Variants in TRABD2B observed in about 807,000 individuals in gnomAD.
TRABD2B encodes TraB domain containing 2B, also known as metalloprotease TIKI2.
Under a neutral mutation model 40.1 loss-of-function variants are expected in TRABD2B, and 14 were observed. That is an observed-to-expected ratio of 0.35 (90% CI 0.23 to 0.55). The LOEUF (loss-of-function observed/expected upper bound fraction) is 0.55, where lower values mean the gene tolerates loss of function less well. Ranked by LOEUF, TRABD2B falls within the 20% of genes least tolerant of loss-of-function variation. The pLI is 0.90. For missense variants in TRABD2B, 541 were observed against 648.6 expected (o/e 0.83, Z 1.80); for synonymous variants, 263 against 277.0 (o/e 0.95, Z 0.50).
chr1:47,780,267 T>C (rs999170049), intron 4 of TRABD2B, among the ~76,000 whole-genome samples: 4 of 152,220 alleles, frequency 2.6e-5, no homozygotes, highest in Non-Finnish European at 5.9e-5. Context: ...CAGGCAAGCA[T>C]ATTACCCTCT....
At position 47,764,883 on chromosome 1, in the gene TRABD2B, T is replaced by A. The variant is rs1644283298; in HGVS notation, c.*1019A>T. On this transcript the variant is annotated 3_prime_UTR_variant, in exon 7 of 7. Transcript: ENST00000606738. Reference sequence around the variant, plus strand: ...CATCTGTGAAATGGGGATAGTCACATCTCACAGAACTAGCGCAAGAATCAG... The same window carrying A: ...CATCTGTGAAATGGGGATAGTCACAACTCACAGAACTAGCGCAAGAATCAG... The A allele has an allele frequency of 6.6e-6, 1 of 152,128 alleles. No homozygotes were observed. Among genetic ancestry groups the A allele is most frequent in the African/African-American group, 2.4e-5 (1 of 41,412 alleles). 9.4% of individuals were successfully genotyped at this position (152,128 alleles called of 1,614,324 possible).
chr1:47,989,247 C>T (rs892083587), intron 2 of TRABD2B, among the ~76,000 whole-genome samples: 5 of 152,168 alleles, frequency 3.3e-5, no homozygotes, highest in Non-Finnish European at 7.3e-5. Flanking sequence ...ATAATTTTGA[C>T]ATTTTTTGTC....
chr1:47,877,367 C>A (rs999111603), intron 2 of TRABD2B, among the ~76,000 whole-genome samples: 2 of 152,076 alleles, frequency 1.3e-5, no homozygotes, highest in Non-Finnish European at 2.9e-5. Context: ...GTGATCTACT[C>A]TAAGTGCATA....
chr1:47,892,202 C>A (rs1244006697), intron 2 of TRABD2B, among the ~76,000 whole-genome samples: 1 of 152,186 alleles, frequency 6.6e-6, no homozygotes, highest in African/African-American at 2.4e-5. Context: ...ATCCTGCTGT[C>A]TGTAGGATGT....
chr1:47,983,570 C>G (rs888212355), intron 2 of TRABD2B, among the ~76,000 whole-genome samples: 5 of 152,094 alleles, frequency 3.3e-5, no homozygotes, highest in Admixed American at 2.0e-4. Context: ...GTTTACCCAT[C>G]CTGTGACCAA....
chr1:47,837,623 A>T (rs1168467894), intron 2 of TRABD2B, among the ~76,000 whole-genome samples: 1 of 152,142 alleles, frequency 6.6e-6, no homozygotes, highest in Non-Finnish European at 1.5e-5. Context: ...AGGCCTCTGC[A>T]GGGCGGAGAG....
chr1:47,782,418 C>T (rs1360830229), intron 4 of TRABD2B, among the ~76,000 whole-genome samples: 1 of 152,204 alleles, frequency 6.6e-6, no homozygotes, highest in African/African-American at 2.4e-5. Context: ...TTTGTCAGAA[C>T]GTGCTCCCAA....
intron 6 of TRABD2B, among the ~76,000 whole-genome samples, chr1:47,768,878 G>A (rs1569871279): frequency 1.3e-5 from 2 of 152,320 alleles, no homozygotes; most frequent in African/African-American, 2.4e-5. Flanking sequence ...CCTTTCTAAG[G>A]TGTGGAAACT....
intron 2 of TRABD2B, among the ~76,000 whole-genome samples, chr1:47,906,587 G>A (rs1644681421): frequency 6.6e-6 from 1 of 152,168 alleles, no homozygotes; most frequent in Admixed American, 6.5e-5. Flanking sequence ...CTCCCCATGG[G>A]ATGAGACTGA....
intron 2 of TRABD2B, among the ~76,000 whole-genome samples, chr1:47,804,480 G>T (rs1448626356): frequency 6.6e-6 from 1 of 152,210 alleles, no homozygotes; most frequent in Non-Finnish European, 1.5e-5. Flanking sequence ...CTGCTCCCTT[G>T]TTTCTCGGCG....
rs890281366 is a variant in TRABD2B at position 47,987,630 on chromosome 1, G to A, written c.666+6404C>T. Among the ~76,000 whole-genome samples the A allele has an allele frequency of 5.9e-5, 9 of 152,280 alleles. No individual in the cohort carries two copies. In the South Asian group the frequency reaches 1.9e-3, roughly 32 times the overall value. On this transcript the variant is annotated intron_variant, in intron 2 of 6. Coordinates refer to ENST00000606738, the MANE Select transcript of TRABD2B (RefSeq NM_001194986.2). ...GATAATATATTAAATATTAAGACAC[G>A]AATGAACCAGGTCATGGAGAGGGGA...
At chr1:47,936,601 TA>T (rs145069392) in intron 2 of TRABD2B, among the ~76,000 whole-genome samples, 1,580 of 152,280 alleles carry the variant, frequency 0.01, 32 homozygotes, top group African/African-American at 0.035. Flanking sequence ...TAATAAGTTT[TA>T]AAAATTAGTT....
Position 47,996,642 on chromosome 1 carries a change from G to T in TRABD2B, c.102+46C>A. Reference sequence around the variant, plus strand: ...CCCAAACCATGGTCCCACGGGACTAGAATACCCAGGCAGGCGGGAGAGTGG... The same window carrying T: ...CCCAAACCATGGTCCCACGGGACTATAATACCCAGGCAGGCGGGAGAGTGG... On this transcript the variant is annotated intron_variant, in intron 1 of 6. Transcript: ENST00000606738. The surrounding 1 kb of genome is among the most constrained non-coding windows in gnomAD (Gnocchi z 4.6). The T allele has an allele frequency of 8.2e-7, 1 of 1,224,552 alleles. No individual in the cohort carries two copies. The highest frequency in any genetic ancestry group is 4.1e-5 in the South Asian group (1 of 24,226). 75.9% of individuals were successfully genotyped at this position (1,224,552 alleles called of 1,614,324 possible).
intron 2 of TRABD2B, among the ~76,000 whole-genome samples, chr1:47,849,367 G>A (rs534251578): frequency 8.5e-5 from 13 of 152,308 alleles, no homozygotes; most frequent in Admixed American, 5.9e-4. Context: ...AAGGAGGAAG[G>A]CCCCAGAGGA....
At chr1:47,941,995 T>C (rs571653287) in intron 2 of TRABD2B, among the ~76,000 whole-genome samples, 2 of 152,346 alleles carry the variant, frequency 1.3e-5, no homozygotes, top group Non-Finnish European at 2.9e-5. Flanking sequence ...TTAATACTTA[T>C]TAACTTAGCT....
intron 2 of TRABD2B, among the ~76,000 whole-genome samples, chr1:47,872,909 A>C (rs1644165657): frequency 6.6e-6 from 1 of 152,056 alleles, no homozygotes; most frequent in Admixed American, 6.5e-5. Context: ...TGCTATAATG[A>C]AATACTATAG....
intron 2 of TRABD2B, among the ~76,000 whole-genome samples, chr1:47,951,137 T>C (rs1645337481): frequency 6.6e-6 from 1 of 152,180 alleles, no homozygotes; most frequent in Non-Finnish European, 1.5e-5. Flanking sequence ...TCGACTCTCC[T>C]TTCCTCCCCA....
intron 2 of TRABD2B, among the ~76,000 whole-genome samples, chr1:47,978,705 T>C (rs1645796545): frequency 6.6e-6 from 1 of 152,182 alleles, no homozygotes; most frequent in Admixed American, 6.5e-5. Context: ...ACTTTTCTCA[T>C]AAACAAATCA....
chr1:47,830,659 AAG>A (rs1299679422), intron 2 of TRABD2B, among the ~76,000 whole-genome samples: 4 of 152,222 alleles, frequency 2.6e-5, no homozygotes, highest in African/African-American at 9.6e-5. Context: ...TTCAGGCACA[AAG>A]AGAGGTTTCT....
Sources: allele counts gnomAD v4.1 joint callset (sites outside exome capture counted in the v4.1 genomes callset), GRCh38; gene constraint gnomAD v4.1.1; non-coding constraint Gnocchi (gnomAD v3.1); transcripts MANE v1.5; gene names NCBI Gene and HGNC (gene_info 2026-07-23, HGNC 2026-07-21).